PCDH11Y: variants seen among roughly 807,000 people sequenced by gnomAD.
PCDH11Y encodes the protein protocadherin 11 Y-linked.
For missense variants in PCDH11Y, 12 were observed against 224.8 expected (o/e 0.05, Z 6.05); for synonymous variants, 9 against 83.6 (o/e 0.11, Z 4.87).
chrY:5,095,445 C>G, intron 1 of PCDH11Y, among the ~76,000 whole-genome samples: 1 of 32,602 alleles, frequency 3.1e-5, no homozygotes, highest in African/African-American at 1.2e-4. Context: ...AATGCTCTCA[C>G]TATATTAGCC....
At chrY:5,593,881 A>G (rs1283843603) in intron 4 of PCDH11Y, among the ~76,000 whole-genome samples, 2 of 32,204 alleles carry the variant, frequency 6.2e-5, no homozygotes, top group Non-Finnish European at 1.5e-4. Context: ...TTAGGAACCC[A>G]ATGTGCTCGG....
At chrY:5,626,447 TTTGGGG>T (rs2053507368) in intron 4 of PCDH11Y, among the ~76,000 whole-genome samples, 4 of 32,932 alleles carry the variant, frequency 1.2e-4, no homozygotes, top group African/African-American at 4.7e-4. Flanking sequence ...CTCTGCTAGC[TTTGGGG>T]TTGGTTTGCT....
At chrY:5,245,169 C>G in intron 2 of PCDH11Y, among the ~76,000 whole-genome samples, 2 of 33,218 alleles carry the variant, frequency 6.0e-5, no homozygotes. Context: ...CATAGTCTTT[C>G]CTCCTGCTAG....
rs1602935748 is a variant in PCDH11Y at position 5,508,618 on chromosome Y, A to G, written c.3328+7363A>G. ...GTAATTTTAAATATTATTTTGGGGT[A>G]TCTAATTATACGATAAAAATATTTG... On this transcript the variant is annotated intron_variant, in intron 3 of 4. Coordinates refer to the PCDH11Y transcript ENST00000400457. 8.9e-5 allele frequency among the ~76,000 whole-genome samples: 3 copies of G among 33,658 alleles called. No individual in the cohort carries two copies. In the East Asian group the frequency reaches 2.3e-3, roughly 26 times the overall value. The allele number at this position is 33,658 out of a possible 37,273, so 90.3% of individuals were successfully genotyped here. A position where few individuals can be genotyped will look rare whatever the true frequency, so the allele number is the denominator to read the frequency against.
exon 1 of PCDH11Y, chrY:5,056,990 A>G: frequency 5.0e-6 from 2 of 398,468 alleles, no homozygotes; most frequent in East Asian, 1.8e-4. Flanking sequence ...TCTGGCGCCC[A>G]GGAGAAAAAC....
chrY:5,256,505 A>G (rs2053011405), intron 2 of PCDH11Y, among the ~76,000 whole-genome samples: 1 of 33,126 alleles, frequency 3.0e-5, no homozygotes, highest in Non-Finnish European at 7.5e-5. Flanking sequence ...CTTTTTTCTC[A>G]AGATAGCTTT....
intron 2 of PCDH11Y, among the ~76,000 whole-genome samples, chrY:5,188,668 T>C (rs2052909009): frequency 3.0e-5 from 1 of 33,413 alleles, no homozygotes; most frequent in Non-Finnish European, 7.4e-5. Flanking sequence ...GTAGGGATTA[T>C]GGGAACTACA....
chrY:5,528,345 G>T (rs2124691217), intron 3 of PCDH11Y, among the ~76,000 whole-genome samples: 1 of 33,022 alleles, frequency 3.0e-5, no homozygotes, highest in South Asian at 6.6e-4. Context: ...CCCATTCACT[G>T]CTCATTGAGA....
chrY:5,058,075 C>CT (rs2052667725), intron 1 of PCDH11Y, among the ~76,000 whole-genome samples: 4 of 33,050 alleles, frequency 1.2e-4, no homozygotes, highest in East Asian at 1.6e-3. Flanking sequence ...TAAATATTTT[C>CT]TTTTTTTACA....
In PCDH11Y at chrY:5,583,287, T is replaced by C; in HGVS notation, c.3352+1489T>C. On this transcript the variant is annotated intron_variant, in intron 4 of 4. Coordinates refer to the PCDH11Y transcript ENST00000400457. ...TACTATTTTGGTTAGTATAGCTCTG[T>C]AGTATAATTTGACATCAGGTAATGT... is the stretch of plus-strand genomic sequence containing the variant. Among the ~76,000 whole-genome samples, 5 of 32,876 alleles carry C rather than the reference T, an allele frequency of 1.5e-4. No homozygotes were observed. In the South Asian group the frequency reaches 3.3e-3, roughly 22 times the overall value. The allele number at this position is 32,876 out of a possible 37,273, so 88.2% of individuals were successfully genotyped here. A position where few individuals can be genotyped will look rare whatever the true frequency, so the allele number is the denominator to read the frequency against.
upstream of PCDH11Y, among the ~76,000 whole-genome samples, chrY:5,054,767 G>A: frequency 3.1e-5 from 1 of 31,847 alleles, no homozygotes; most frequent in Admixed American, 3.0e-4. Context: ...TAGTATCAAT[G>A]GGGTATTTTT....
At chrY:5,116,947 G>C in intron 2 of PCDH11Y, among the ~76,000 whole-genome samples, 1 of 32,393 alleles carries the variant, frequency 3.1e-5, no homozygotes, top group Non-Finnish European at 7.6e-5. Context: ...CATGTAGAAT[G>C]TGTTAGAACT....
chrY:5,600,380 T>C (rs2053471826), intron 4 of PCDH11Y, among the ~76,000 whole-genome samples: 3 of 30,829 alleles, frequency 9.7e-5, no homozygotes, highest in Non-Finnish European at 1.5e-4. Context: ...TGCTTTCTAC[T>C]TTTTTGTTTA....
intron 1 of PCDH11Y, among the ~76,000 whole-genome samples, chrY:5,017,206 G>A: frequency 9.1e-5 from 3 of 33,064 alleles, no homozygotes; most frequent in African/African-American, 3.5e-4. Flanking sequence ...GATTTTCCTT[G>A]TGAACAGACA....
At chrY:5,703,505 G>T (rs2124712265) in intron 4 of PCDH11Y, among the ~76,000 whole-genome samples, 13 of 33,433 alleles carry the variant, frequency 3.9e-4, no homozygotes, top group African/African-American at 1.5e-3. Flanking sequence ...AGATCCTACA[G>T]ATGGTGAAAA....
intron 3 of PCDH11Y, chrY:5,574,568 A>T: frequency 7.0e-6 from 1 of 143,268 alleles, no homozygotes; most frequent in Admixed American, 1.2e-4. Flanking sequence ...ATTGAAAGAC[A>T]TTTCATATTC....
chrY:5,648,501 G>T, intron 4 of PCDH11Y, among the ~76,000 whole-genome samples: 7 of 31,642 alleles, frequency 2.2e-4, no homozygotes, highest in African/African-American at 6.2e-4. Context: ...TTTATTCCAT[G>T]GCTGAAAAGG....
At chrY:5,123,974 T>A in intron 2 of PCDH11Y, among the ~76,000 whole-genome samples, 1 of 33,335 alleles carries the variant, frequency 3.0e-5, no homozygotes, top group Non-Finnish European at 7.4e-5. Flanking sequence ...ATAATTCCTA[T>A]TTTTGAGTTT....
At chrY:5,242,458 C>T (rs1602892320) in intron 2 of PCDH11Y, among the ~76,000 whole-genome samples, 2 of 27,393 alleles carry the variant, frequency 7.3e-5, no homozygotes, top group Non-Finnish European at 1.7e-4. Context: ...TGAAGCACAA[C>T]GAAATGAAGC....
Sources: allele counts gnomAD v4.1 joint callset (sites outside exome capture counted in the v4.1 genomes callset), GRCh38; gene constraint gnomAD v4.1.1; transcripts MANE v1.5; gene names NCBI Gene and HGNC (gene_info 2026-07-23, HGNC 2026-07-21).